Variants in NKD1 observed in about 807,000 individuals in gnomAD.
The protein encoded by NKD1 is protein naked cuticle homolog 1.
NKD1 carries 21 observed loss-of-function variants against 56.0 expected under a neutral mutation model. The ratio of observed to expected loss-of-function variants is 0.38; its 90% CI spans 0.27 to 0.54. The LOEUF (loss-of-function observed/expected upper bound fraction) is 0.54, where lower values mean the gene tolerates loss of function less well. NKD1 is among the 20% of genes least tolerant of loss of function. NKD1 has a pLI of 0.82. For missense variants in NKD1, 578 were observed against 642.7 expected (o/e 0.90, Z 1.09); for synonymous variants, 263 against 265.7 (o/e 0.99, Z 0.10).
At chr16:50,551,376 A>G (rs1176266699) in intron 3 of NKD1, among the ~76,000 whole-genome samples, 1 of 152,208 alleles carries the variant, frequency 6.6e-6, no homozygotes, top group Admixed American at 6.5e-5. Flanking sequence ...CTCTCAGAGA[A>G]ATGCTGAGAG....
chr16:50,608,400 T>C (rs766931151), intron 4 of NKD1, 40 bp downstream of exon 4: 5 of 1,468,992 alleles, frequency 3.4e-6, no homozygotes, highest in Non-Finnish European at 3.8e-6. Flanking sequence ...CAGCAGCGAG[T>C]GGGGGAAGCG....
chr16:50,617,284 C>T (rs532511340), intron 4 of NKD1, among the ~76,000 whole-genome samples: 1 of 152,318 alleles, frequency 6.6e-6, no homozygotes, highest in East Asian at 1.9e-4. Context: ...TCTCTTCCTC[C>T]CCACCCCTCC....
chr16:50,620,145 C>T (rs911713524), intron 4 of NKD1, among the ~76,000 whole-genome samples: 3 of 152,264 alleles, frequency 2.0e-5, no homozygotes, highest in African/African-American at 4.8e-5. Context: ...TCTTTATGTA[C>T]AGTGGCGCCA....
In NKD1 at chr16:50,644,323, T is replaced by C. The variant is rs1596773231; in HGVS notation, c.*10542T>C. On this transcript the variant is annotated 3_prime_UTR_variant, in exon 10 of 10. Coordinates refer to ENST00000268459, the MANE Select transcript of NKD1 (RefSeq NM_033119.5). ...ATCCCAAAGGCCCAGCAAAGACAGG[T>C]GCTTGTTCAATGTCTGTTGAGCGAC... 2 of 152,328 alleles carry C rather than the reference T, an allele frequency of 1.3e-5. No homozygotes were observed. The highest frequency in any genetic ancestry group is 6.8e-3 in the Middle Eastern group (2 of 294). 9.4% of individuals were successfully genotyped at this position (152,328 alleles called of 1,614,324 possible). A position where few individuals can be genotyped will look rare whatever the true frequency, so the allele number is the denominator to read the frequency against.
chr16:50,595,153 C>T (rs140821623), intron 3 of NKD1, among the ~76,000 whole-genome samples: 5 of 152,282 alleles, frequency 3.3e-5, no homozygotes, highest in African/African-American at 9.6e-5. Flanking sequence ...GGGAACTCAT[C>T]GCTCGCTGGT....
intron 3 of NKD1, chr16:50,562,255 G>T: frequency 1.0e-6 from 1 of 970,646 alleles, no homozygotes; most frequent in Non-Finnish European, 1.2e-6. Flanking sequence ...ACATTCATAG[G>T]CCATGGTCCT....
intron 4 of NKD1, among the ~76,000 whole-genome samples, chr16:50,616,617 G>A (rs1053789087): frequency 3.3e-5 from 5 of 152,142 alleles, no homozygotes; most frequent in African/African-American, 9.7e-5. Flanking sequence ...GGGCAACCCG[G>A]GAGCAGAAGC....
chr16:50,613,508 C>G (rs1000372614), intron 4 of NKD1: 1 of 152,084 alleles, frequency 6.6e-6, no homozygotes, highest in Non-Finnish European at 1.5e-5. Context: ...CGGGGGGTGT[C>G]AGCGGCCCTG....
intron 3 of NKD1, among the ~76,000 whole-genome samples, chr16:50,553,192 T>A (rs1204037334): frequency 6.8e-6 from 1 of 147,990 alleles, no homozygotes; most frequent in African/African-American, 2.6e-5. Context: ...AAAAGCTTAA[T>A]AGATAGATTA....
chr16:50,610,913 G>A (rs1012239210), intron 4 of NKD1, among the ~76,000 whole-genome samples: 6 of 152,306 alleles, frequency 3.9e-5, no homozygotes, highest in Non-Finnish European at 8.8e-5. Flanking sequence ...CTGGCTGGGC[G>A]TGGCAGGGCT....
chr16:50,556,663 T>C (rs888103129), intron 3 of NKD1: 2 of 152,064 alleles, frequency 1.3e-5, no homozygotes, highest in Non-Finnish European at 2.9e-5. Flanking sequence ...AGCTGAGAAG[T>C]AGAATAACAT....
intron 4 of NKD1, among the ~76,000 whole-genome samples, chr16:50,620,253 C>A (rs1567351298): frequency 6.6e-6 from 1 of 152,264 alleles, no homozygotes; most frequent in African/African-American, 2.4e-5. Context: ...GGGGCCCAGG[C>A]CCACTGGGGG....
intron 4 of NKD1, among the ~76,000 whole-genome samples, chr16:50,620,796 G>A (rs556109219): frequency 1.3e-5 from 2 of 152,284 alleles, no homozygotes; most frequent in South Asian, 4.1e-4. Flanking sequence ...GGAAAATAGT[G>A]TCAGTAGGTC....
At chr16:50,563,762 C>T (rs1051949029) in intron 3 of NKD1, among the ~76,000 whole-genome samples, 3 of 146,330 alleles carry the variant, frequency 2.1e-5, no homozygotes, top group Non-Finnish European at 4.5e-5. Context: ...GGCTAAGCTC[C>T]ATCCTCAGTG....
At chr16:50,551,265 T>C (rs188104278) in intron 3 of NKD1, among the ~76,000 whole-genome samples, 1 of 152,274 alleles carries the variant, frequency 6.6e-6, no homozygotes, top group African/African-American at 2.4e-5. Context: ...CCAGCTTAAG[T>C]CTGTGGCTTT....
intron 3 of NKD1, among the ~76,000 whole-genome samples, chr16:50,550,059 G>A (rs868212790): frequency 7.2e-5 from 11 of 152,162 alleles, no homozygotes; most frequent in Admixed American, 3.9e-4. Context: ...GCAGATCTAG[G>A]GGGACTGAGA....
chr16:50,591,806 G>A (rs1961372894), intron 3 of NKD1, among the ~76,000 whole-genome samples: 1 of 152,214 alleles, frequency 6.6e-6, no homozygotes, highest in African/African-American at 2.4e-5. Context: ...ACCTGGGCTG[G>A]GGTGCGAGCC....
chr16:50,570,275 A>G (rs566051217), intron 3 of NKD1, among the ~76,000 whole-genome samples: 31 of 152,172 alleles, frequency 2.0e-4, no homozygotes, highest in African/African-American at 6.7e-4. Context: ...CCTTGACTCC[A>G]TGGGGATGAT....
At chr16:50,571,927 C>T (rs999449923) in intron 3 of NKD1, among the ~76,000 whole-genome samples, 1 of 152,196 alleles carries the variant, frequency 6.6e-6, no homozygotes, top group Non-Finnish European at 1.5e-5. Context: ...TCCTGCTTCT[C>T]ATCCCCGGCC....
Sources: allele counts gnomAD v4.1 joint callset (sites outside exome capture counted in the v4.1 genomes callset), GRCh38; gene constraint gnomAD v4.1.1; transcripts MANE v1.5; gene names NCBI Gene and HGNC (gene_info 2026-07-23, HGNC 2026-07-21).